Variants in GRIN2A observed in about 807,000 individuals in gnomAD.
The protein encoded by GRIN2A is glutamate ionotropic receptor NMDA type subunit 2A.
GRIN2A carries 22 observed loss-of-function variants against 113.4 expected under a neutral mutation model. That is an observed-to-expected ratio of 0.19 (90% CI 0.14 to 0.28). The LOEUF (loss-of-function observed/expected upper bound fraction) is 0.28. Ranked by LOEUF, GRIN2A falls within the 10% of genes least tolerant of loss-of-function variation. The probability of loss-of-function intolerance (pLI) is 1.00; values close to 1 mark genes in which losing one functional copy is unlikely to be tolerated. For missense variants in GRIN2A, 1,502 were observed against 1,887.0 expected (o/e 0.80, Z 3.78); for synonymous variants, 827 against 738.4 (o/e 1.12, Z -1.94).
intron 2 of GRIN2A, among the ~76,000 whole-genome samples, chr16:10,008,186 G>A (rs943751009): frequency 2.6e-5 from 4 of 152,034 alleles, no homozygotes; most frequent in Non-Finnish European, 4.4e-5. Context: ...GCTTCTAAGA[G>A]AGGTCATGAT....
chr16:9,883,778 G>C (rs540214095), intron 4 of GRIN2A, among the ~76,000 whole-genome samples: 1 of 152,148 alleles, frequency 6.6e-6, no homozygotes, highest in Admixed American at 6.5e-5. Context: ...TGGAGGGAGA[G>C]ATCTGGTTGT....
At chr16:10,166,286 G>A (rs2049921569) in intron 2 of GRIN2A, among the ~76,000 whole-genome samples, 1 of 152,182 alleles carries the variant, frequency 6.6e-6, no homozygotes, top group Non-Finnish European at 1.5e-5. Context: ...AAAGCTCAAT[G>A]TTTGATGGTA....
At chr16:10,052,720 T>C (rs1479313502) in intron 2 of GRIN2A, among the ~76,000 whole-genome samples, 1 of 152,098 alleles carries the variant, frequency 6.6e-6, no homozygotes, top group Non-Finnish European at 1.5e-5. Flanking sequence ...TGGGAGCTTC[T>C]CCTAAATGGA....
At chr16:10,178,486 C>A (rs2050194525) in intron 2 of GRIN2A, among the ~76,000 whole-genome samples, 1 of 152,178 alleles carries the variant, frequency 6.6e-6, no homozygotes, top group East Asian at 1.9e-4. Flanking sequence ...CTCCAAGAAA[C>A]CCTAAGATGC....
At chr16:9,986,542 A>C (rs2045982077) in intron 2 of GRIN2A, among the ~76,000 whole-genome samples, 2 of 152,110 alleles carry the variant, frequency 1.3e-5, no homozygotes, top group African/African-American at 2.4e-5. Context: ...AGGTGGGCGG[A>C]TCATGAGGTC....
chr16:9,920,109 G>A (rs1048050979), intron 3 of GRIN2A, among the ~76,000 whole-genome samples: 2 of 152,154 alleles, frequency 1.3e-5, no homozygotes, highest in African/African-American at 4.8e-5. Flanking sequence ...TGAGCAGCAT[G>A]CTTTTTTCTG....
chr16:9,788,164 T>C (rs2141200723), intron 11 of GRIN2A, among the ~76,000 whole-genome samples: 1 of 152,328 alleles, frequency 6.6e-6, no homozygotes, highest in East Asian at 1.9e-4. Flanking sequence ...TTCTTACCTC[T>C]CCCACTCCTT....
At chr16:10,080,335 G>C (rs1169188319) in intron 2 of GRIN2A, among the ~76,000 whole-genome samples, 14 of 152,156 alleles carry the variant, frequency 9.2e-5, no homozygotes, top group Non-Finnish European at 1.5e-5. Flanking sequence ...TTATGATTAG[G>C]CTTCCTTTGC....
chr16:9,802,574 C>T (rs1334640810), intron 10 of GRIN2A, among the ~76,000 whole-genome samples: 2 of 152,148 alleles, frequency 1.3e-5, no homozygotes, highest in Non-Finnish European at 2.9e-5. Flanking sequence ...TGAGGCCTCA[C>T]AACTGTCCAG....
rs577636966 is a variant in GRIN2A at position 10,102,762 on chromosome 16, G to C, written c.414+77236C>G. Among the ~76,000 whole-genome samples, 19 of 152,288 alleles carry C rather than the reference G, an allele frequency of 1.2e-4. 1 individual carries two copies. Among genetic ancestry groups the C allele is most frequent in the African/African-American group, 3.8e-4 (16 of 41,564 alleles). On this transcript the variant is annotated intron_variant, in intron 2 of 12. Coordinates refer to ENST00000330684, the MANE Select transcript of GRIN2A (RefSeq NM_001134407.3). ...ACAAGAATGGACTAACATGGGCTCA[G>C]AGAGGTTAGGTAACTTGTCTAAGAC...
intron 11 of GRIN2A, among the ~76,000 whole-genome samples, chr16:9,778,859 T>C (rs1487211752): frequency 2.0e-5 from 3 of 152,184 alleles, no homozygotes; most frequent in African/African-American, 7.2e-5. Context: ...AACCTTGTAG[T>C]CTCCCCGAGG....
chr16:9,821,184 T>A (rs2042278215), intron 10 of GRIN2A, among the ~76,000 whole-genome samples: 1 of 152,198 alleles, frequency 6.6e-6, no homozygotes, highest in South Asian at 2.1e-4. Flanking sequence ...CAGTCATGTT[T>A]CCATGCAGGA....
chr16:9,912,122 G>A (rs2044153307), intron 3 of GRIN2A, among the ~76,000 whole-genome samples: 1 of 152,086 alleles, frequency 6.6e-6, no homozygotes, highest in African/African-American at 2.4e-5. Flanking sequence ...GATGATGGTG[G>A]TGATGGTAAT....
Position 9,822,362 on chromosome 16 carries a change from C to T in GRIN2A, c.2070G>A (p.Thr690=), listed in dbSNP as rs141924924. 68 of 1,612,474 alleles carry T rather than the reference C, an allele frequency of 4.2e-5. No homozygotes were observed. The highest frequency in any genetic ancestry group is 1.5e-4 in the African/African-American group (11 of 74,946). ...GATAGTTATTCCGAATGTTTCTCTCCGTGCTTCCATTAGGCACTGTCCCAA... is the reference window on the plus strand; with the variant it reads ...GATAGTTATTCCGAATGTTTCTCTCTGTGCTTCCATTAGGCACTGTCCCAA... ...FRFGTVPNGS[T]ERNIRNNYPY... Residue 690 remains threonine (T), a synonymous_variant, in exon 10 of 13, where the codon ACG becomes ACA. Coordinates refer to ENST00000330684, the MANE Select transcript of GRIN2A (RefSeq NM_001134407.3).
intron 11 of GRIN2A, among the ~76,000 whole-genome samples, chr16:9,787,779 T>A (rs1423197287): frequency 6.6e-6 from 1 of 152,222 alleles, no homozygotes; most frequent in Middle Eastern, 3.2e-3. Context: ...AACTGTCCCA[T>A]CCTCTCAAAC....
intron 2 of GRIN2A, among the ~76,000 whole-genome samples, chr16:10,030,671 G>C (rs1265536752): frequency 6.6e-6 from 1 of 152,094 alleles, no homozygotes; most frequent in African/African-American, 2.4e-5. Context: ...AGTTATAAAG[G>C]GGTCTCTCTC....
In GRIN2A at chr16:9,798,302, C is replaced by T. The variant is rs118035164; in HGVS notation, c.2331G>A (p.Leu777=). 47 of 1,614,036 alleles carry T rather than the reference C, an allele frequency of 2.9e-5. No homozygotes were observed. In the East Asian group the frequency reaches 9.6e-4, roughly 33 times the overall value. Reference sequence around the variant, plus strand: ...CATCACCCACAAACTGAAGCAAGGCCAGGTCGATCTGCCTCTTCCAAGGAG... The same window carrying T: ...CATCACCCACAAACTGAAGCAAGGCTAGGTCGATCTGCCTCTTCCAAGGAG... ...KGSPWKRQID[L]ALLQFVGDGE... The change falls in exon 11 of 13, where the codon CTG becomes CTA. Residue 777 remains leucine (L), a synonymous_variant. Transcript: ENST00000330684.
In GRIN2A at chr16:9,822,406, A is replaced by T. The variant is rs1214763733; in HGVS notation, c.2026T>A (p.Tyr676Asn). Residue 676 changes from tyrosine (Y) to asparagine (N), a missense_variant, in exon 10 of 13, where the codon TAT (tyrosine) becomes AAT (asparagine). Tyr to Asn is a moderately radical substitution (Grantham distance 143). This residue lies in a region of GRIN2A where 101 missense variants were observed against 240.4 expected (regional missense o/e 0.42). Transcript: ENST00000330684. ...GTCCCAAATCGAAAAGGTGGGGAAT[A>T]GTCATGAGGTCTCTGAAACTGGAGA... ...SDKKFQRPHDYSPPFRFGTVP... is the reference protein window; with the variant it reads ...SDKKFQRPHDNSPPFRFGTVP... The T allele has an allele frequency of 2.5e-6, 4 of 1,611,132 alleles. No homozygotes were observed. The highest frequency in any genetic ancestry group is 3.4e-6 in the Non-Finnish European group (4 of 1,177,342).
rs11865193 is a variant in GRIN2A at position 10,073,710 on chromosome 16, C to A, written c.414+106288G>T. Among the ~76,000 whole-genome samples the A allele has an allele frequency of 9.5e-3, 1,449 of 151,886 alleles. 30 individuals carry two copies. The highest frequency in any genetic ancestry group is 0.033 in the African/African-American group (1,377 of 41,354). On this transcript the variant is annotated intron_variant, in intron 2 of 12. Transcript: ENST00000330684. ...TATTAAGAAGTGAAAATACGACCAG[C>A]CTGGCCAACATGGTGAAACCGCATC... is the stretch of plus-strand genomic sequence containing the variant.
Sources: allele counts gnomAD v4.1 joint callset (sites outside exome capture counted in the v4.1 genomes callset), GRCh38; gene constraint gnomAD v4.1.1; regional missense constraint gnomAD v4.1.1; transcripts MANE v1.5; gene names NCBI Gene and HGNC (gene_info 2026-07-23, HGNC 2026-07-21).